The following CDC42BPB variants were observed in gnomAD, a reference collection of about 807,000 sequenced individuals.
The protein encoded by CDC42BPB is CDC42 binding protein kinase beta, also known as serine/threonine-protein kinase MRCK beta.
A neutral mutation model predicts 214.9 loss-of-function variants in CDC42BPB; 37 were observed. The ratio of observed to expected loss-of-function variants is 0.17; its 90% confidence interval spans 0.13 to 0.23. The LOEUF is 0.23. CDC42BPB is among the 10% of genes least tolerant of loss of function. CDC42BPB has a pLI of 1.00. For synonymous variants in CDC42BPB, 931 were observed against 884.0 expected, an observed-to-expected ratio of 1.05 and a Z score of -0.94; for missense variants, 1,694 against 2,227.0, an observed-to-expected ratio of 0.76 and a Z score of 4.82.
intron 1 of CDC42BPB, among the ~76,000 whole-genome samples, chr14:103,015,444 G>A (rs939003202): frequency 2.0e-5 from 3 of 151,164 alleles, no homozygotes; most frequent in Admixed American, 6.6e-5. Context: ...CCAAGATCTC[G>A]CCACTGCACT....
At chr14:102,998,778 C>A (rs925433141) in intron 5 of CDC42BPB, among the ~76,000 whole-genome samples, 8 of 152,100 alleles carry the variant, frequency 5.3e-5, no homozygotes, top group Non-Finnish European at 7.4e-5. Flanking sequence ...GGGGTCAGCA[C>A]GGCACAGAGA....
At chr14:102,990,676 G>A (rs1409265483) in intron 5 of CDC42BPB, among the ~76,000 whole-genome samples, 1 of 152,106 alleles carries the variant, frequency 6.6e-6, no homozygotes, top group Non-Finnish European at 1.5e-5. Flanking sequence ...CTTCAAAGCC[G>A]CTCCCCACTA....
At chr14:103,049,574 G>T (rs1333221345) in intron 1 of CDC42BPB, among the ~76,000 whole-genome samples, 1 of 152,258 alleles carries the variant, frequency 6.6e-6, no homozygotes, top group Non-Finnish European at 1.5e-5. Context: ...GCGACTGGTA[G>T]AGGGACTGCT....
chr14:102,933,653 T>C lies in CDC42BPB; in HGVS notation c.*59A>G. On this transcript the variant is annotated 3_prime_UTR_variant, in exon 37 of 37. Coordinates refer to ENST00000361246, the MANE Select transcript of CDC42BPB (RefSeq NM_006035.4). Reference sequence around the variant, plus strand: ...ACAACACTGGAGGGCCCGCTCAGTCTTGGCACTGACGCTGGAGGCCATCTC... The same window carrying C: ...ACAACACTGGAGGGCCCGCTCAGTCCTGGCACTGACGCTGGAGGCCATCTC... 3 of 1,352,010 alleles carry C rather than the reference T, an allele frequency of 2.2e-6. No individual in the cohort carries two copies. The highest frequency in any genetic ancestry group is 2.9e-6 in the Non-Finnish European group (3 of 1,047,294). 83.8% of individuals were successfully genotyped at this position (1,352,010 alleles called of 1,614,324 possible). A position where few individuals can be genotyped will look rare whatever the true frequency, so the allele number is the denominator to read the frequency against.
chr14:102,942,798 G>A (rs556219175), intron 30 of CDC42BPB, among the ~76,000 whole-genome samples: 12 of 151,984 alleles, frequency 7.9e-5, no homozygotes, highest in African/African-American at 2.7e-4. Flanking sequence ...TCTGCGTCCC[G>A]GGTTCAAGCA....
intron 19 of CDC42BPB, among the ~76,000 whole-genome samples, chr14:102,963,694 AGTGT>A (rs1203909558): frequency 6.6e-6 from 1 of 152,142 alleles, no homozygotes; most frequent in African/African-American, 2.4e-5. Context: ...TCACCTGCGG[AGTGT>A]GTGTAAGTGG....
At chr14:102,970,104 A>T in intron 14 of CDC42BPB, 47 bp downstream of exon 14, 1 of 1,454,304 alleles carries the variant, frequency 6.9e-7, no homozygotes. Context: ...GTCAGCAAAG[A>T]TAAGCATCCC....
intron 1 of CDC42BPB, among the ~76,000 whole-genome samples, chr14:103,014,940 G>A (rs984676720): frequency 8.5e-5 from 13 of 152,322 alleles, no homozygotes; most frequent in African/African-American, 2.6e-4. Flanking sequence ...TGCCCGGAAC[G>A]TCCTCTCTTT....
chr14:103,022,496 ACAGG>A (rs1595157921), intron 1 of CDC42BPB, among the ~76,000 whole-genome samples: 1 of 152,142 alleles, frequency 6.6e-6, no homozygotes, highest in Non-Finnish European at 1.5e-5. Flanking sequence ...AGCTGGGACT[ACAGG>A]CACATGCCAC....
At chr14:103,006,292 G>A (rs1417937878) in intron 3 of CDC42BPB, among the ~76,000 whole-genome samples, 1 of 152,256 alleles carries the variant, frequency 6.6e-6, no homozygotes, top group African/African-American at 2.4e-5. Flanking sequence ...TCCCAGGTGA[G>A]GTGAGACCGT....
chr14:102,955,449 T>C (rs1334285405), intron 21 of CDC42BPB, among the ~76,000 whole-genome samples: 3 of 152,084 alleles, frequency 2.0e-5, no homozygotes, highest in East Asian at 1.9e-4. Flanking sequence ...AAAGATCAAA[T>C]AGCCAAATGC....
intron 1 of CDC42BPB, among the ~76,000 whole-genome samples, chr14:103,016,404 G>A (rs1446826522): frequency 1.3e-5 from 2 of 152,224 alleles, no homozygotes; most frequent in African/African-American, 4.8e-5. Flanking sequence ...ACAGGGAGTG[G>A]GGGGGTCAGA....
intron 1 of CDC42BPB, 80 bp downstream of exon 1, chr14:103,056,919 G>A (rs1889014054): frequency 2.0e-6 from 2 of 1,016,854 alleles, no homozygotes; most frequent in Non-Finnish European, 2.6e-6. Flanking sequence ...TCCGGGCGGG[G>A]ATGGGCGGGC....
chr14:102,946,743 G>C, intron 27 of CDC42BPB, 59 bp from the exon 28 acceptor site: 1 of 1,588,174 alleles, frequency 6.3e-7, no homozygotes, highest in South Asian at 1.1e-5. Context: ...GCCGCACGCA[G>C]CTACCACGGC....
At chr14:102,945,774 C>A in intron 28 of CDC42BPB, 50 bp from the exon 29 acceptor site, 1 of 1,553,998 alleles carries the variant, frequency 6.4e-7, no homozygotes, top group Non-Finnish European at 8.9e-7. Context: ...CGACCGTGAA[C>A]AATATGGGTT....
In CDC42BPB at chr14:102,965,387, TTAAAAAAAA is replaced by T. The variant is rs1350542676; in HGVS notation, c.2578-746_2578-738del. Among the ~76,000 whole-genome samples, 405 of 130,106 alleles carry T rather than the reference TTAAAAAAAA, an allele frequency of 3.1e-3. 1 individual carries two copies. The highest frequency in any genetic ancestry group is 0.012 in the African/African-American group (387 of 33,114). 85.4% of individuals were successfully genotyped at this position (130,106 alleles called of 152,430 possible). A position where few individuals can be genotyped will look rare whatever the true frequency, so the allele number is the denominator to read the frequency against. On this transcript the variant is annotated intron_variant, in intron 18 of 36. Transcript: ENST00000361246. ...TGTCATTACTCATTCCTACCTGTGA[TTAAAAAAAA>T]AAAAAAAAAAAAAAGACTAAAATAA...
chr14:102,951,652 G>T (rs1045481016), intron 24 of CDC42BPB, among the ~76,000 whole-genome samples: 4 of 152,144 alleles, frequency 2.6e-5, no homozygotes, highest in Admixed American at 2.6e-4. Flanking sequence ...AGCCAGGCAT[G>T]GTGGCGTGGG....
intron 9 of CDC42BPB, among the ~76,000 whole-genome samples, chr14:102,977,010 T>G (rs1206821134): frequency 6.6e-6 from 1 of 152,114 alleles, no homozygotes; most frequent in Non-Finnish European, 1.5e-5. Context: ...CCCTGGCCTC[T>G]CACACCAAAA....
intron 1 of CDC42BPB, among the ~76,000 whole-genome samples, chr14:103,024,620 G>T: frequency 1.3e-5 from 2 of 152,326 alleles, no homozygotes. Context: ...CTTCCTATTT[G>T]ACAGACTTGA....
Sources: allele counts gnomAD v4.1 joint callset (sites outside exome capture counted in the v4.1 genomes callset), GRCh38; gene constraint gnomAD v4.1.1; transcripts MANE v1.5; gene names NCBI Gene and HGNC (gene_info 2026-07-23, HGNC 2026-07-21).